ESAM: variants seen among roughly 807,000 people sequenced by gnomAD.
The protein encoded by ESAM is endothelial cell-selective adhesion molecule.
A neutral mutation model predicts 31.8 loss-of-function variants in ESAM; 23 were observed. That is an observed-to-expected ratio of 0.72 (90% CI 0.52 to 1.03). ESAM has a LOEUF of 1.03. Ranked by LOEUF, ESAM falls within the 50% of genes least tolerant of loss-of-function variation. The pLI, the probability that ESAM is intolerant of heterozygous loss-of-function variation, is 0.00. For synonymous variants in ESAM, 216 were observed against 207.2 expected, an observed-to-expected ratio of 1.04 and a Z score of -0.37; for missense variants, 478 against 488.9, an observed-to-expected ratio of 0.98 and a Z score of 0.21.
rs1251613409 is a variant in ESAM, at chr11:124,753,473, C to G, written c.*173G>C. Reference sequence around the variant, plus strand: ...GATCCACTTCCTCTTCTCCTTCTGTCTCCTGGACACTTAGGTCTTACTGAG... The same window carrying G: ...GATCCACTTCCTCTTCTCCTTCTGTGTCCTGGACACTTAGGTCTTACTGAG... On this transcript the variant is annotated 3_prime_UTR_variant, in exon 7 of 7. Coordinates refer to ENST00000278927, the MANE Select transcript of ESAM (RefSeq NM_138961.3). 3 of 690,586 alleles carry G rather than the reference C, an allele frequency of 4.3e-6. No homozygotes were observed. The highest frequency in any genetic ancestry group is 3.6e-5 in the African/African-American group (2 of 55,004). 42.8% of individuals were successfully genotyped at this position (690,586 alleles called of 1,614,324 possible).
In ESAM at chr11:124,754,902, G is replaced by A; in HGVS notation, c.608-139C>T. 1 of 1,166,886 alleles carries A rather than the reference G, an allele frequency of 8.6e-7. No homozygotes were observed. The allele number at this position is 1,166,886 out of a possible 1,614,324, so 72.3% of individuals were successfully genotyped here. Reference sequence around the variant, plus strand: ...TCTATTCCCTGATGGGGGGAGAGGTGTGACAGCTGGGCTTGGCTCCCAGCT... The same window carrying A: ...TCTATTCCCTGATGGGGGGAGAGGTATGACAGCTGGGCTTGGCTCCCAGCT... On this transcript the variant is annotated intron_variant, in intron 4 of 6. Coordinates refer to ENST00000278927, the MANE Select transcript of ESAM (RefSeq NM_138961.3). This position sits in a 1 kb window ranked among gnomAD's most constrained non-coding sequence, Gnocchi z 4.5.
chr11:124,753,692 A>T lies in ESAM; in HGVS notation c.1127T>A (p.Val376Glu). 6.2e-7 allele frequency: 1 copy of T among 1,614,036 alleles called. No individual in the cohort carries two copies. The highest frequency in any genetic ancestry group is 8.5e-7 in the Non-Finnish European group (1 of 1,180,040). ...SSSGLSRMGA[V>E]PVMVPAQSQA... is the part of the protein sequence containing the mutation. ...ACTCTGGGCAGGCACCATCACAGGCACAGCACCCATGCGGCTCAAGCCAGA... is the reference window on the plus strand; with the variant it reads ...ACTCTGGGCAGGCACCATCACAGGCTCAGCACCCATGCGGCTCAAGCCAGA... Residue 376 changes from valine (V) to glutamate (E), a missense_variant, in exon 7 of 7, where the codon GTG becomes GAG. By Grantham distance (121) the Val-to-Glu change is moderately radical. Coordinates refer to ENST00000278927, the MANE Select transcript of ESAM (RefSeq NM_138961.3).
At position 124,753,423 on chromosome 11, in the gene ESAM, T is replaced by G. The variant is rs1591427395; in HGVS notation, c.*223A>C. 1 of 557,480 alleles carries G rather than the reference T, an allele frequency of 1.8e-6. No individual in the cohort carries two copies. Among genetic ancestry groups the G allele is most frequent in the Non-Finnish European group, 3.1e-6 (1 of 317,672 alleles). 34.5% of individuals were successfully genotyped at this position (557,480 alleles called of 1,614,324 possible). On this transcript the variant is annotated 3_prime_UTR_variant, in exon 7 of 7. Transcript: ENST00000278927. ...TGGCTTCATAAGGAGGAGTCAGGGG[T>G]GGGTGGAGGCTCCTCCCAATTCCAG...
At position 124,753,772 on chromosome 11, in the gene ESAM, C is replaced by T. The variant is rs761367015; in HGVS notation, c.1047G>A (p.Thr349=). 25 of 1,613,838 alleles carry T rather than the reference C, an allele frequency of 1.5e-5. No individual in the cohort carries two copies. The highest frequency in any genetic ancestry group is 6.7e-5 in the Admixed American group (4 of 59,990). ...SQALPSPRLP[T]TDGAHPQPIS... is the part of the protein sequence containing the mutation. ...TTGGTTGAGGGTGGGCCCCATCTGT[C>T]GTGGGCAGTCTTGGTGAGGGCAGGG... Residue 349 remains threonine, a synonymous_variant, in exon 7 of 7, where the codon ACG becomes ACA. Coordinates refer to ENST00000278927, the MANE Select transcript of ESAM (RefSeq NM_138961.3).
rs1240817537 is a variant in ESAM at position 124,755,333 on chromosome 11, CATGTATACAT to C, written c.608-580_608-571del. Among the ~76,000 whole-genome samples the C allele has an allele frequency of 2.1e-3, 323 of 152,138 alleles. 1 individual carries two copies. Among genetic ancestry groups the C allele is most frequent in the African/African-American group, 7.2e-3 (300 of 41,484 alleles). On this transcript the variant is annotated intron_variant, in intron 4 of 6. Coordinates refer to ENST00000278927, the MANE Select transcript of ESAM (RefSeq NM_138961.3). ...ATGGGTACAGCACACCAGCATGGCACATGTATACATATGTAACTAACCTGCACATTGTGCA... is the reference window on the plus strand; with the variant it reads ...ATGGGTACAGCACACCAGCATGGCACATGTAACTAACCTGCACATTGTGCA...
rs1417589595 is a variant in ESAM, at chr11:124,759,626, A to G, written c.71-1099T>C. On this transcript the variant is annotated intron_variant, in intron 1 of 6. Transcript: ENST00000278927. The surrounding 1 kb of genome is among the most constrained non-coding windows in gnomAD (Gnocchi z 6.8). ...CCTCGCCCTAGGAGAGCCAGGCTGAAGGCCTCTAAGGGCTGGGAGCCGATC... is the reference window on the plus strand; with the variant it reads ...CCTCGCCCTAGGAGAGCCAGGCTGAGGGCCTCTAAGGGCTGGGAGCCGATC... Among the ~76,000 whole-genome samples the G allele has an allele frequency of 6.6e-6, 1 of 152,208 alleles. No homozygotes were observed. The highest frequency in any genetic ancestry group is 2.4e-5 in the African/African-American group (1 of 41,458).
intron 1 of ESAM, among the ~76,000 whole-genome samples, chr11:124,761,875 G>A (rs1043174497): frequency 1.3e-5 from 2 of 152,096 alleles, no homozygotes; most frequent in Non-Finnish European, 2.9e-5. Context: ...ACCTCCCCCC[G>A]CCATCCGCCC....
Position 124,754,947 on chromosome 11 carries a change from A to C in ESAM, c.608-184T>G, listed in dbSNP as rs1325293305. ...CCAGCTGCAGACTGACTAGTGCAAT[A>C]ACCTCCATTGTCACTCCTCAGTCAG... On this transcript the variant is annotated intron_variant, in intron 4 of 6. Transcript: ENST00000278927. This position sits in a 1 kb window ranked among gnomAD's most constrained non-coding sequence, Gnocchi z 4.5. 1.3e-5 allele frequency among the ~76,000 whole-genome samples: 2 copies of C among 152,152 alleles called. No homozygotes were observed. Among genetic ancestry groups the C allele is most frequent in the Non-Finnish European group, 2.9e-5 (2 of 68,038 alleles).
intron 1 of ESAM, among the ~76,000 whole-genome samples, chr11:124,758,780 T>A (rs1361003080): frequency 6.6e-6 from 1 of 152,184 alleles, no homozygotes; most frequent in African/African-American, 2.4e-5. Context: ...CACATTTATA[T>A]GCATTTATTC....
rs1944132389 is a variant in ESAM, at chr11:124,754,553, C to G, written c.730+88G>C. ...GAAGCTCCGTGCCCTGCTACAGAGA[C>G]AGGCCTCAGCAGACAGGCCTCCTCC... On this transcript the variant is annotated intron_variant, in intron 5 of 6. Coordinates refer to ENST00000278927, the MANE Select transcript of ESAM (RefSeq NM_138961.3). This position sits in a 1 kb window ranked among gnomAD's most constrained non-coding sequence, Gnocchi z 4.5. The G allele has an allele frequency of 6.5e-7, 1 of 1,539,376 alleles. No individual in the cohort carries two copies. The highest frequency in any genetic ancestry group is 1.3e-5 in the South Asian group (1 of 79,062).
Position 124,759,542 on chromosome 11 carries a change from C to G in ESAM, c.71-1015G>C, listed in dbSNP as rs1205863534. On this transcript the variant is annotated intron_variant, in intron 1 of 6. Transcript: ENST00000278927. The surrounding 1 kb of genome is among the most constrained non-coding windows in gnomAD (Gnocchi z 6.8). The stretch of plus-strand genomic sequence containing the variant: ...CTCGGAGCGGAAGACGCCACCTCCG[C>G]GTGGCGAGCAGGCGGCCAACGCCGC... 1.3e-5 allele frequency: 2 copies of G among 152,406 alleles called. No homozygotes were observed. Among genetic ancestry groups the G allele is most frequent in the East Asian group, 3.9e-4 (2 of 5,180 alleles). The allele number at this position is 152,406 out of a possible 1,614,324, so 9.4% of individuals were successfully genotyped here.
chr11:124,754,455 A>C lies in ESAM; in HGVS notation c.731-115T>G, dbSNP rs1322548980. 1.3e-6 allele frequency: 2 copies of C among 1,510,030 alleles called. No individual in the cohort carries two copies. Among genetic ancestry groups the C allele is most frequent in the East Asian group, 4.6e-5 (2 of 43,820 alleles). The allele number at this position is 1,510,030 out of a possible 1,614,324, so 93.5% of individuals were successfully genotyped here. ...TACACATTCCCTCTTTTTCCCTGTC[A>C]AGAAGAGGGGTGGCTGTTGAGCAGG... On this transcript the variant is annotated intron_variant, in intron 5 of 6. Transcript: ENST00000278927. The surrounding 1 kb of genome is among the most constrained non-coding windows in gnomAD (Gnocchi z 4.5).
chr11:124,756,144 TG>T, intron 4 of ESAM, 62 bp downstream of exon 4: 1 of 1,603,184 alleles, frequency 6.2e-7, no homozygotes. Flanking sequence ...CCAGTCCCTG[TG>T]GTACCTCTCA....
At chr11:124,761,820 G>T (rs547305575) in intron 1 of ESAM, among the ~76,000 whole-genome samples, 4 of 151,950 alleles carry the variant, frequency 2.6e-5, no homozygotes, top group South Asian at 4.2e-4. Context: ...GAATGGTTCC[G>T]ATAACTCACC....
chr11:124,753,525 G>A lies in ESAM; in HGVS notation c.*121C>T. ...TGGTTTTCCCACAGTAAAGAGAGGTGGGGGCAGAGTACTAAGGGTCAGGAG... is the reference window on the plus strand; with the variant it reads ...TGGTTTTCCCACAGTAAAGAGAGGTAGGGGCAGAGTACTAAGGGTCAGGAG... On this transcript the variant is annotated 3_prime_UTR_variant, in exon 7 of 7. Transcript: ENST00000278927. The A allele has an allele frequency of 9.6e-7, 1 of 1,041,236 alleles. No individual in the cohort carries two copies. Among genetic ancestry groups the A allele is most frequent in the African/African-American group, 1.6e-5 (1 of 62,580 alleles). 64.5% of individuals were successfully genotyped at this position (1,041,236 alleles called of 1,614,324 possible). A position where few individuals can be genotyped will look rare whatever the true frequency, so the allele number is the denominator to read the frequency against.
Position 124,754,157 on chromosome 11 carries a change from G to C in ESAM, c.857+57C>G. ...TAGATGAGAGCTGCCTGAATTCCCAGCCTCTGTGAGGAGAGCTGGGAGAGC... is the reference window on the plus strand; with the variant it reads ...TAGATGAGAGCTGCCTGAATTCCCACCCTCTGTGAGGAGAGCTGGGAGAGC... On this transcript the variant is annotated intron_variant, in intron 6 of 6. Coordinates refer to ENST00000278927, the MANE Select transcript of ESAM (RefSeq NM_138961.3). This position sits in a 1 kb window ranked among gnomAD's most constrained non-coding sequence, Gnocchi z 4.5. 6.3e-7 allele frequency: 1 copy of C among 1,590,084 alleles called. No individual in the cohort carries two copies. The highest frequency in any genetic ancestry group is 8.6e-7 in the Non-Finnish European group (1 of 1,167,818).
At position 124,753,865 on chromosome 11, in the gene ESAM, G is replaced by A. The variant is rs759070097; in HGVS notation, c.954C>T (p.Ala318=). 3 of 1,613,928 alleles carry A rather than the reference G, an allele frequency of 1.9e-6. No individual in the cohort carries two copies. The highest frequency in any genetic ancestry group is 8.5e-7 in the Non-Finnish European group (1 of 1,179,970). Residue 318 remains alanine (A), a synonymous_variant, in exon 7 of 7, where the codon GCC becomes GCT. Coordinates refer to ENST00000278927, the MANE Select transcript of ESAM (RefSeq NM_138961.3). The stretch of plus-strand genomic sequence containing the variant: ...TGGGAGGGCCATGGGGTGGCCGGAG[G>A]GCTCGTGCGGAGGTGACAGAGGAAA... ...GTLSSVTSAR[A]LRPPHGPPRP...
chr11:124,760,565 G>A (rs540008664), intron 1 of ESAM, among the ~76,000 whole-genome samples: 1 of 152,380 alleles, frequency 6.6e-6, no homozygotes, highest in Non-Finnish European at 1.5e-5. Flanking sequence ...CCAGAAGAGC[G>A]GAGCCGGGCG....
In ESAM at chr11:124,762,046, C is replaced by T. The variant is rs189252323; in HGVS notation, c.70+39G>A. The T allele has an allele frequency of 8.4e-3, 13,288 of 1,584,538 alleles. 91 individuals carry two copies. Among genetic ancestry groups the T allele is most frequent in the Non-Finnish European group, 9.8e-3 (11,362 of 1,160,712 alleles). ...CCCTCAGGGTCGAACTCACCCCATC[C>T]CGCATCCCAAGTCCCCTCCAGGTCC... is the stretch of plus-strand genomic sequence containing the variant. On this transcript the variant is annotated intron_variant, in intron 1 of 6. Transcript: ENST00000278927. The surrounding 1 kb of genome is among the most constrained non-coding windows in gnomAD (Gnocchi z 6.4).
Sources: allele counts gnomAD v4.1 joint callset (sites outside exome capture counted in the v4.1 genomes callset), GRCh38; gene constraint gnomAD v4.1.1; non-coding constraint Gnocchi (gnomAD v3.1); transcripts MANE v1.5; gene names NCBI Gene and HGNC (gene_info 2026-07-23, HGNC 2026-07-21).